Variants in CFAP54 observed in about 807,000 individuals in gnomAD.
CFAP54 encodes cilia and flagella associated protein 54.
CFAP54 carries 290 observed loss-of-function variants against 370.4 expected under a neutral mutation model. The observed-to-expected ratio is 0.78, with a 90% CI of 0.71 to 0.86. The LOEUF (loss-of-function observed/expected upper bound fraction) is 0.86. CFAP54 is among the 40% of genes least tolerant of loss of function. The pLI is 0.00. For missense variants in CFAP54, 3,399 were observed against 3,528.7 expected (o/e 0.96, Z 0.93); for synonymous variants, 1,206 against 1,236.5 (o/e 0.98, Z 0.52).
intron 60 of CFAP54, among the ~76,000 whole-genome samples, chr12:96,778,246 G>A (rs117725505): frequency 0.019 from 2,903 of 152,282 alleles, 43 homozygotes; most frequent in South Asian, 0.066. Flanking sequence ...ACCTCAGGAT[G>A]TGCATTCATC....
chr12:96,566,805 G>C (rs559572326), intron 19 of CFAP54, among the ~76,000 whole-genome samples: 3 of 152,218 alleles, frequency 2.0e-5, no homozygotes, highest in Admixed American at 2.0e-4. Flanking sequence ...ATTATGTATT[G>C]GAAGTTCACT....
intron 63 of CFAP54, among the ~76,000 whole-genome samples, chr12:96,807,905 T>C (rs1958897885): frequency 6.6e-6 from 1 of 152,108 alleles, no homozygotes; most frequent in South Asian, 2.1e-4. Context: ...CACCGATTCA[T>C]GGAATAGGGA....
intron 30 of CFAP54, among the ~76,000 whole-genome samples, chr12:96,628,405 G>T (rs1330128751): frequency 6.6e-6 from 1 of 152,150 alleles, no homozygotes; most frequent in African/African-American, 2.4e-5. Context: ...ATGCTGAGAT[G>T]GTGGCAAAGA....
At chr12:96,496,288 A>T (rs1400887274) in intron 1 of CFAP54, among the ~76,000 whole-genome samples, 1 of 152,252 alleles carries the variant, frequency 6.6e-6, no homozygotes, top group African/African-American at 2.4e-5. Context: ...CACATACATC[A>T]TAAGTATTAG....
chr12:96,668,440 G>C (rs754055756), intron 39 of CFAP54, among the ~76,000 whole-genome samples: 4 of 152,162 alleles, frequency 2.6e-5, no homozygotes, highest in African/African-American at 4.8e-5. Flanking sequence ...AGGAGCAAAG[G>C]CACATCTTAT....
At chr12:96,663,667 A>G (rs1302811362) in intron 38 of CFAP54, among the ~76,000 whole-genome samples, 163 bp from the exon 39 acceptor site, 1 of 152,168 alleles carries the variant, frequency 6.6e-6, no homozygotes, top group Non-Finnish European at 1.5e-5. Context: ...GCTTTTTTTC[A>G]TGAAAGTTCT....
At chr12:96,744,873 A>C (rs1415407028) in intron 55 of CFAP54, among the ~76,000 whole-genome samples, 14 of 151,976 alleles carry the variant, frequency 9.2e-5, no homozygotes, top group Admixed American at 8.5e-4. Context: ...AGTAGGTCAT[A>C]GTGTGTGTCA....
chr12:96,630,760 T>C (rs1445104560), intron 32 of CFAP54, 109 bp downstream of exon 32: 2 of 522,494 alleles, frequency 3.8e-6, no homozygotes, highest in Non-Finnish European at 6.2e-6. Flanking sequence ...GTGAAATCAC[T>C]GCCTTCAAGG....
intron 58 of CFAP54, among the ~76,000 whole-genome samples, chr12:96,760,634 G>C (rs1958324599): frequency 6.6e-6 from 1 of 152,198 alleles, no homozygotes; most frequent in South Asian, 2.1e-4. Flanking sequence ...CTGGGTTCAA[G>C]CAATTCTCCT....
At position 96,539,461 on chromosome 12, in the gene CFAP54, G is replaced by A. The variant is rs190994561; in HGVS notation, c.1926+943G>A. Among the ~76,000 whole-genome samples, 1,070 of 151,986 alleles carry A rather than the reference G, an allele frequency of 7.0e-3. 32 individuals carry two copies. Among genetic ancestry groups the A allele is most frequent in the East Asian group, 0.055 (283 of 5,112 alleles). Reference sequence around the variant, plus strand: ...GGCTGAGGCAGGTGGATCACCCGAGGTCAGGAGTTTGAGACCAGCCTGGTC... The same window carrying A: ...GGCTGAGGCAGGTGGATCACCCGAGATCAGGAGTTTGAGACCAGCCTGGTC... On this transcript the variant is annotated intron_variant, in intron 13 of 67. Coordinates refer to ENST00000524981, the MANE Select transcript of CFAP54 (RefSeq NM_001306084.2).
chr12:96,743,275 C>T, intron 52 of CFAP54, 127 bp from the exon 53 acceptor site: 1 of 905,546 alleles, frequency 1.1e-6, no homozygotes, highest in South Asian at 2.0e-5. Context: ...GTCTGTTTTC[C>T]ATCTTAATAT....
chr12:96,754,076 T>C (rs992091), intron 56 of CFAP54, among the ~76,000 whole-genome samples, 178 bp downstream of exon 56: 55,921 of 152,032 alleles, frequency 0.37, 11,275 homozygotes, highest in East Asian at 0.58. Flanking sequence ...AAGAATGCTG[T>C]TTATTTTATG....
chr12:96,585,075 G>A (rs1476139074), intron 22 of CFAP54, among the ~76,000 whole-genome samples: 2 of 149,484 alleles, frequency 1.3e-5, no homozygotes, highest in East Asian at 2.0e-4. Flanking sequence ...TTACTCTGTT[G>A]CCCAGGCTGG....
chr12:96,510,020 G>A (rs1955147317), intron 4 of CFAP54, among the ~76,000 whole-genome samples: 1 of 151,762 alleles, frequency 6.6e-6, no homozygotes, highest in Non-Finnish European at 1.5e-5. Context: ...GCTCACGCCT[G>A]TAATCCTAGC....
chr12:96,754,622 G>A (rs561868373), intron 56 of CFAP54, among the ~76,000 whole-genome samples: 38 of 152,254 alleles, frequency 2.5e-4, no homozygotes, highest in Non-Finnish European at 4.3e-4. Context: ...CCAGATGTGA[G>A]CTCAACACTG....
At chr12:96,830,501 C>A (rs986607253) in intron 66 of CFAP54, among the ~76,000 whole-genome samples, 1 of 152,038 alleles carries the variant, frequency 6.6e-6, no homozygotes, top group Admixed American at 6.6e-5. Flanking sequence ...TGACCATTTG[C>A]GTATCTTCTT....
chr12:96,824,000 C>T (rs1959060205), intron 65 of CFAP54, among the ~76,000 whole-genome samples: 1 of 152,146 alleles, frequency 6.6e-6, no homozygotes, highest in Non-Finnish European at 1.5e-5. Flanking sequence ...TGATTTCAAC[C>T]AAATCTAAGA....
At chr12:96,554,074 C>A (rs1470536000) in intron 15 of CFAP54, 108 bp from the exon 16 acceptor site, 4 of 659,146 alleles carry the variant, frequency 6.1e-6, no homozygotes, top group Non-Finnish European at 9.8e-6. Context: ...GTTAGATAGA[C>A]TATTTAAATT....
intron 1 of CFAP54, among the ~76,000 whole-genome samples, chr12:96,491,952 G>T (rs1954889598): frequency 6.6e-6 from 1 of 152,126 alleles, no homozygotes; most frequent in Non-Finnish European, 1.5e-5. Context: ...TAGAGATGGG[G>T]TTTCGCCATG....
Sources: gnomAD v4.1 joint callset for allele counts (sites outside exome capture counted in the v4.1 genomes callset) on GRCh38, gnomAD v4.1.1 for gene constraint, MANE v1.5 for transcripts, NCBI Gene and HGNC (gene_info 2026-07-23, HGNC 2026-07-21) for gene names.